The following STXBP5L variants were observed in gnomAD, a reference collection of about 807,000 sequenced individuals.
STXBP5L encodes syntaxin binding protein 5L, also known as syntaxin-binding protein 5-like.
In STXBP5L, 65 loss-of-function variants were observed where a neutral mutation model predicts 144.5. The ratio of observed to expected loss-of-function variants is 0.45; its 90% CI spans 0.37 to 0.55. The LOEUF is 0.55. STXBP5L is among the 20% of genes least tolerant of loss of function. The probability of loss-of-function intolerance (pLI) is 0.00; values close to 1 mark genes in which losing one functional copy is unlikely to be tolerated. For synonymous variants in STXBP5L, 505 were observed against 469.6 expected, an observed-to-expected ratio of 1.08 and a Z score of -0.97; for missense variants, 1,298 against 1,405.5, an observed-to-expected ratio of 0.92 and a Z score of 1.22.
At position 121,319,653 on chromosome 3, in the gene STXBP5L, G is replaced by C. The variant is rs137982499; in HGVS notation, c.2176+1113G>C. ...CCTATGGTATCATACAAATATTCTA[G>C]TAGATGTCTGTATTTTCTCTCTTCA... On this transcript the variant is annotated intron_variant, in intron 20 of 26. Coordinates refer to ENST00000471454, the MANE Select transcript of STXBP5L (RefSeq NM_001308330.2). 8.9e-4 allele frequency among the ~76,000 whole-genome samples: 136 copies of C among 152,214 alleles called. No homozygotes were observed. In the East Asian group the frequency reaches 0.017, roughly 19 times the overall value.
intron 7 of STXBP5L, among the ~76,000 whole-genome samples, chr3:121,127,200 G>A (rs2044748245): frequency 6.7e-6 from 1 of 148,418 alleles, no homozygotes; most frequent in Non-Finnish European, 1.5e-5. Flanking sequence ...ATAGGCCCAG[G>A]AGCTGCTTAT....
At chr3:121,048,316 T>C (rs1187002336) in intron 5 of STXBP5L, among the ~76,000 whole-genome samples, 3 of 152,156 alleles carry the variant, frequency 2.0e-5, no homozygotes, top group Non-Finnish European at 2.9e-5. Context: ...AATCTAATTA[T>C]GTGTCTTGGC....
At chr3:121,131,216 C>T (rs1179831634) in intron 7 of STXBP5L, among the ~76,000 whole-genome samples, 1 of 152,008 alleles carries the variant, frequency 6.6e-6, no homozygotes, top group Non-Finnish European at 1.5e-5. Context: ...CATACTAAAA[C>T]TAAGGACATT....
chr3:121,100,130 G>C (rs980750287), intron 5 of STXBP5L, among the ~76,000 whole-genome samples: 3 of 152,134 alleles, frequency 2.0e-5, no homozygotes, highest in Non-Finnish European at 4.4e-5. Flanking sequence ...AAAAGACTTA[G>C]ACAGCTACAC....
chr3:121,258,201 A>T (rs1176796402), intron 17 of STXBP5L, among the ~76,000 whole-genome samples: 4 of 152,220 alleles, frequency 2.6e-5, no homozygotes, highest in African/African-American at 9.6e-5. Context: ...ATAAATTACT[A>T]CTTACTGCTT....
intron 3 of STXBP5L, among the ~76,000 whole-genome samples, chr3:120,988,726 A>G (rs951235627): frequency 1.3e-5 from 2 of 152,048 alleles, no homozygotes; most frequent in African/African-American, 2.4e-5. Context: ...TGAGCATATT[A>G]TGTAGTGGTT....
intron 7 of STXBP5L, among the ~76,000 whole-genome samples, chr3:121,121,926 CG>C (rs1262986889): frequency 6.6e-6 from 1 of 150,860 alleles, no homozygotes; most frequent in East Asian, 1.9e-4. Flanking sequence ...GAGATAAAAT[CG>C]GTATTTAATT....
intron 15 of STXBP5L, among the ~76,000 whole-genome samples, chr3:121,251,564 C>A (rs1209490075): frequency 6.6e-6 from 1 of 151,886 alleles, no homozygotes; most frequent in African/African-American, 2.4e-5. Flanking sequence ...AGATGAGTAA[C>A]CAGGAAGATG....
rs977303596 is a variant in STXBP5L, at chr3:121,191,572, G to GT, written c.878-14342dup. ...GGAGAGGGAGAGGGATAGGGAGATAGTTTTTTTTTCCAATTCTGTGAAGAA... is the reference window on the plus strand; with the variant it reads ...GGAGAGGGAGAGGGATAGGGAGATAGTTTTTTTTTTCCAATTCTGTGAAGAA... On this transcript the variant is annotated intron_variant, in intron 9 of 26. Coordinates refer to ENST00000471454, the MANE Select transcript of STXBP5L (RefSeq NM_001308330.2). Among the ~76,000 whole-genome samples, 660 of 151,338 alleles carry GT rather than the reference G, an allele frequency of 4.4e-3. 5 individuals are homozygous for GT. The highest frequency in any genetic ancestry group is 0.015 in the African/African-American group (615 of 41,236).
chr3:121,301,757 C>G (rs887467527), intron 19 of STXBP5L, among the ~76,000 whole-genome samples: 15 of 151,934 alleles, frequency 9.9e-5, no homozygotes, highest in African/African-American at 1.7e-4. Flanking sequence ...TAGCATGAAG[C>G]GTTGTTGAAT....
chr3:121,342,706 A>G (rs1190136343), intron 20 of STXBP5L, among the ~76,000 whole-genome samples: 1 of 150,864 alleles, frequency 6.6e-6, no homozygotes, highest in African/African-American at 2.4e-5. Context: ...ATAGTATACC[A>G]TGTTGTATAT....
chr3:121,157,318 A>G (rs1343518299), intron 8 of STXBP5L, among the ~76,000 whole-genome samples, 186 bp from the exon 9 acceptor site: 1 of 152,144 alleles, frequency 6.6e-6, no homozygotes, highest in Non-Finnish European at 1.5e-5. Flanking sequence ...TTAATTGGCT[A>G]TGTGAGGAGG....
intron 7 of STXBP5L, among the ~76,000 whole-genome samples, chr3:121,129,598 T>A (rs1577026433): frequency 6.6e-6 from 1 of 152,062 alleles, no homozygotes; most frequent in East Asian, 1.9e-4. Flanking sequence ...GGATGTGGGA[T>A]GGACCCCATA....
In STXBP5L at chr3:121,297,413, A is replaced by G. The variant is rs555057595; in HGVS notation, c.2110+17457A>G. On this transcript the variant is annotated intron_variant, in intron 19 of 26. Transcript: ENST00000471454. ...GTCGAAGCAGATCCATAGAGACCCA[A>G]ATTGAAATTAGAAGCCAAGAACTTT... is the stretch of plus-strand genomic sequence containing the variant. Among the ~76,000 whole-genome samples the G allele has an allele frequency of 6.6e-5, 10 of 152,288 alleles. No individual in the cohort carries two copies. In the South Asian group the frequency reaches 1.7e-3, roughly 25 times the overall value.
intron 3 of STXBP5L, among the ~76,000 whole-genome samples, chr3:120,990,462 A>G (rs1190713094): frequency 6.6e-6 from 1 of 152,158 alleles, no homozygotes; most frequent in Non-Finnish European, 1.5e-5. Flanking sequence ...AACTACTTCA[A>G]AGTTCATATG....
At chr3:121,122,437 T>C (rs952193120) in intron 7 of STXBP5L, among the ~76,000 whole-genome samples, 2 of 151,204 alleles carry the variant, frequency 1.3e-5, no homozygotes, top group Non-Finnish European at 3.0e-5. Context: ...AAAGGTGATT[T>C]TAAAATTTAT....
intron 22 of STXBP5L, among the ~76,000 whole-genome samples, chr3:121,388,682 T>A (rs897109422): frequency 2.6e-5 from 4 of 152,212 alleles, no homozygotes; most frequent in African/African-American, 4.8e-5. Context: ...TCTGTTTATG[T>A]GATGGGTACG....
chr3:121,025,387 G>C (rs1019418564), intron 3 of STXBP5L, among the ~76,000 whole-genome samples: 1 of 151,516 alleles, frequency 6.6e-6, no homozygotes, highest in African/African-American at 2.4e-5. Context: ...CTCTTTTAAA[G>C]TATACATTAT....
intron 5 of STXBP5L, among the ~76,000 whole-genome samples, chr3:121,082,925 G>A (rs1428601630): frequency 3.3e-5 from 5 of 152,176 alleles, no homozygotes; most frequent in African/African-American, 4.8e-5. Context: ...TGGGCTGGGC[G>A]TGGTGGCTCA....
Sources: gnomAD v4.1 joint callset for allele counts (sites outside exome capture counted in the v4.1 genomes callset) on GRCh38, gnomAD v4.1.1 for gene constraint, MANE v1.5 for transcripts, NCBI Gene and HGNC (gene_info 2026-07-23, HGNC 2026-07-21) for gene names.